PHF14: variants seen among roughly 807,000 people sequenced by gnomAD.
PHF14 encodes PHD finger protein 14.
Under a neutral mutation model 117.9 loss-of-function variants are expected in PHF14, and 55 were observed. The ratio of observed to expected loss-of-function variants is 0.47; its 90% CI spans 0.38 to 0.58. PHF14 has a LOEUF of 0.58. Among genes scored for constraint, PHF14 ranks in the 20% least tolerant of loss-of-function variants. The pLI is 0.00. For missense variants in PHF14, 978 were observed against 1,122.2 expected, an observed-to-expected ratio of 0.87 and a Z score of 1.84; for synonymous variants, 409 against 368.6, an observed-to-expected ratio of 1.11 and a Z score of -1.26.
At chr7:11,104,051 T>C in intron 16 of PHF14, 5 of 984,838 alleles carry the variant, frequency 5.1e-6, no homozygotes, top group Non-Finnish European at 6.0e-6. Context: ...TGGAATATAC[T>C]AATCCATTAG....
intron 17 of PHF14, among the ~76,000 whole-genome samples, chr7:11,116,551 T>C (rs1787608225): frequency 6.6e-6 from 1 of 151,996 alleles, no homozygotes; most frequent in Non-Finnish European, 1.5e-5. Context: ...TGGCTCCCAT[T>C]TTCCTTAATG....
In PHF14 at chr7:11,128,688, GTC is replaced by G. The variant is rs201345870; in HGVS notation, c.2772+17232_2772+17233del. 5.6e-3 allele frequency among the ~76,000 whole-genome samples: 854 copies of G among 151,206 alleles called. 12 individuals carry two copies. The highest frequency in any genetic ancestry group is 4.9e-3 in the Non-Finnish European group (333 of 67,716). On this transcript the variant is annotated intron_variant, in intron 17 of 17. Coordinates refer to ENST00000634607, the MANE Select transcript of PHF14 (RefSeq NM_001007157.2). The stretch of plus-strand genomic sequence containing the variant: ...CTGCTAGTATTTTAGATGTAAATCA[GTC>G]TCTCTCTCTCCCCCCGCCCCCACTG...
At chr7:11,119,329 A>G (rs1787685744) in intron 17 of PHF14, among the ~76,000 whole-genome samples, 2 of 151,936 alleles carry the variant, frequency 1.3e-5, no homozygotes, top group South Asian at 2.1e-4. Context: ...AAAAGTTAAT[A>G]AAAGTATTTT....
At chr7:11,046,311 C>G (rs1784661292) in intron 13 of PHF14, among the ~76,000 whole-genome samples, 2 of 152,136 alleles carry the variant, frequency 1.3e-5, no homozygotes, top group Admixed American at 6.5e-5. Flanking sequence ...TTTTAGAAGA[C>G]TAATGTTATA....
chr7:11,070,547 T>G lies in PHF14; in HGVS notation c.2654+8462T>G, dbSNP rs922607593. Among the ~76,000 whole-genome samples the G allele has an allele frequency of 4.3e-4, 65 of 152,358 alleles. 1 individual carries two copies. The highest frequency in any genetic ancestry group is 3.7e-3 in the Admixed American group (56 of 15,306). Reference sequence around the variant, plus strand: ...CTGTAATGTATTTGGGCATATTTTCTTCTTCCTTCTAAGCCTACATCAGTA... The same window carrying G: ...CTGTAATGTATTTGGGCATATTTTCGTCTTCCTTCTAAGCCTACATCAGTA... On this transcript the variant is annotated intron_variant, in intron 16 of 17. Coordinates refer to ENST00000634607, the MANE Select transcript of PHF14 (RefSeq NM_001007157.2).
chr7:10,974,988 G>A (rs1781811844), intron 2 of PHF14, 43 bp downstream of exon 2: 5 of 991,092 alleles, frequency 5.0e-6, no homozygotes, highest in Non-Finnish European at 7.7e-6. Context: ...GCTTTCTGGA[G>A]TTAGGCTTAT....
chr7:11,106,238 T>G (rs1315353779), intron 16 of PHF14: 2 of 976,734 alleles, frequency 2.0e-6, no homozygotes, highest in Non-Finnish European at 2.4e-6. Flanking sequence ...GATTTGGATT[T>G]GGATATTTTT....
chr7:11,024,243 A>G (rs974978070), intron 6 of PHF14, among the ~76,000 whole-genome samples: 16 of 152,200 alleles, frequency 1.1e-4, no homozygotes, highest in Admixed American at 6.5e-5. Flanking sequence ...TGCAGAAGAA[A>G]GGTTGAAAGG....
At position 11,085,981 on chromosome 7, in the gene PHF14, C is replaced by G. The variant is rs928216335; in HGVS notation, c.2654+23896C>G. 5.3e-5 allele frequency among the ~76,000 whole-genome samples: 8 copies of G among 151,974 alleles called. No individual in the cohort carries two copies. In the South Asian group the frequency reaches 1.7e-3, roughly 32 times the overall value. On this transcript the variant is annotated intron_variant, in intron 16 of 17. Coordinates refer to ENST00000634607, the MANE Select transcript of PHF14 (RefSeq NM_001007157.2). ...CCAGCATTTATTAGTTGTAACTTGT[C>G]TAGTTACATAATCTTTGTGCTTTAG...
At chr7:11,014,131 A>C (rs1230173155) in intron 5 of PHF14, among the ~76,000 whole-genome samples, 3 of 152,176 alleles carry the variant, frequency 2.0e-5, no homozygotes, top group African/African-American at 7.2e-5. Context: ...AATTAATCTT[A>C]ATAATTGACC....
chr7:11,145,352 C>T (rs1252563534), intron 17 of PHF14, among the ~76,000 whole-genome samples: 1 of 151,940 alleles, frequency 6.6e-6, no homozygotes, highest in Non-Finnish European at 1.5e-5. Flanking sequence ...AACAGTTCTT[C>T]CTAGAATGTG....
chr7:11,135,221 T>C (rs2128349623), intron 17 of PHF14, among the ~76,000 whole-genome samples: 1 of 152,186 alleles, frequency 6.6e-6, no homozygotes, highest in East Asian at 1.9e-4. Flanking sequence ...TTTCCTCATG[T>C]TAAAATGGAG....
intron 17 of PHF14, among the ~76,000 whole-genome samples, chr7:11,122,440 T>TAC (rs1562476591): frequency 1.5e-4 from 19 of 124,696 alleles, no homozygotes; most frequent in East Asian, 1.1e-3. Context: ...TATATATATA[T>TAC]ACGTATATAT....
intron 16 of PHF14, among the ~76,000 whole-genome samples, chr7:11,070,688 T>C (rs1418514300): frequency 6.6e-6 from 1 of 152,212 alleles, no homozygotes; most frequent in East Asian, 1.9e-4. Context: ...ATTTTGCTTG[T>C]AAGTTGTGTC....
At chr7:11,038,396 A>G (rs1032421322) in intron 10 of PHF14, among the ~76,000 whole-genome samples, 5 of 147,358 alleles carry the variant, frequency 3.4e-5, no homozygotes, top group Admixed American at 7.0e-5. Context: ...GTGCTACTGC[A>G]CTCTAGCCTG....
intron 17 of PHF14, among the ~76,000 whole-genome samples, chr7:11,119,278 T>C (rs2128345359): frequency 6.6e-6 from 1 of 151,996 alleles, no homozygotes; most frequent in South Asian, 2.1e-4. Flanking sequence ...GCTACTAAAA[T>C]GCTGAGAGTT....
intron 17 of PHF14, among the ~76,000 whole-genome samples, chr7:11,132,777 C>CT (rs1276948499): frequency 6.6e-6 from 1 of 151,736 alleles, no homozygotes; most frequent in Non-Finnish European, 1.5e-5. Flanking sequence ...TATCTTTTGA[C>CT]TTTTTGATAA....
chr7:10,998,426 A>G lies in PHF14; in HGVS notation c.1045+7579A>G, dbSNP rs1178094341. On this transcript the variant is annotated intron_variant, in intron 4 of 17. Transcript: ENST00000634607. ...AAACATATACCTAAAATATATATGT[A>G]TACACACACAGACACATATATGTAT... is the stretch of plus-strand genomic sequence containing the variant. 3.3e-5 allele frequency among the ~76,000 whole-genome samples: 5 copies of G among 152,172 alleles called. No individual in the cohort carries two copies. In the East Asian group the frequency reaches 9.6e-4, roughly 29 times the overall value.
At chr7:11,006,438 G>A in intron 4 of PHF14, 1 of 530,498 alleles carries the variant, frequency 1.9e-6, no homozygotes. Context: ...TCAAAGCATT[G>A]TAATCAGGAG....
Sources: allele counts gnomAD v4.1 joint callset (sites outside exome capture counted in the v4.1 genomes callset), GRCh38; gene constraint gnomAD v4.1.1; transcripts MANE v1.5; gene names NCBI Gene and HGNC (gene_info 2026-07-23, HGNC 2026-07-21).